ZNF578: variants seen among roughly 807,000 people sequenced by gnomAD.
The protein encoded by ZNF578 is zinc finger protein 578.
A neutral mutation model predicts 8.3 loss-of-function variants in ZNF578; 8 were observed. The observed-to-expected ratio is 0.96, with a 90% CI of 0.56 to 1.74. The LOEUF is 1.74. ZNF578 is among the 40% of genes most tolerant of loss of function. The pLI is 0.00. For synonymous variants in ZNF578, 206 were observed against 232.2 expected, an observed-to-expected ratio of 0.89 and a Z score of 1.03; for missense variants, 726 against 707.5, an observed-to-expected ratio of 1.03 and a Z score of -0.30.
At chr19:52,502,604 G>A (rs1476437012) in intron 4 of ZNF578, among the ~76,000 whole-genome samples, 1 of 152,136 alleles carries the variant, frequency 6.6e-6, no homozygotes, top group East Asian at 1.9e-4. Context: ...GTGTGTGGCG[G>A]TGCATGCCTG....
intron 2 of ZNF578, among the ~76,000 whole-genome samples, chr19:52,464,227 A>G (rs913435787): frequency 7.2e-5 from 11 of 152,312 alleles, no homozygotes; most frequent in African/African-American, 1.9e-4. Flanking sequence ...AGGGAAGACA[A>G]TGAATTGTAG....
At chr19:52,466,271 T>TA (rs1376718683) in intron 2 of ZNF578, among the ~76,000 whole-genome samples, 1 of 152,226 alleles carries the variant, frequency 6.6e-6, no homozygotes, top group African/African-American at 2.4e-5. Flanking sequence ...GGAGTGGGCT[T>TA]AACTAGGAGC....
chr19:52,468,080 A>G (rs937210493), intron 2 of ZNF578, among the ~76,000 whole-genome samples: 1 of 152,200 alleles, frequency 6.6e-6, no homozygotes, highest in Non-Finnish European at 1.5e-5. Flanking sequence ...GAAGAAATGC[A>G]TGAAACATAG....
intron 3 of ZNF578, among the ~76,000 whole-genome samples, chr19:52,496,620 C>T (rs558774463): frequency 1.3e-5 from 2 of 150,574 alleles, no homozygotes; most frequent in South Asian, 2.1e-4. Flanking sequence ...TGAGCCACCG[C>T]GCTCAGCCTC....
chr19:52,516,662 A>G lies in ZNF578; in HGVS notation c.*4508A>G, dbSNP rs890729256. Among the ~76,000 whole-genome samples the G allele has an allele frequency of 1.3e-5, 2 of 152,216 alleles. No homozygotes were observed. The highest frequency in any genetic ancestry group is 4.8e-5 in the African/African-American group (2 of 41,502). ...ATCTTGACTGATCAATGTGCTTTGT[A>G]ATCTCCCCCACCCTTCAGAAGGCTC... On this transcript the variant is annotated 3_prime_UTR_variant, in exon 6 of 6. Coordinates refer to ENST00000421239, the MANE Select transcript of ZNF578 (RefSeq NM_001099694.2).
intron 2 of ZNF578, among the ~76,000 whole-genome samples, chr19:52,460,995 C>T (rs1599880765): frequency 6.6e-6 from 1 of 152,124 alleles, no homozygotes; most frequent in South Asian, 2.1e-4. Context: ...AAGCAAACAG[C>T]ATAAACCGAT....
At chr19:52,460,364 C>T (rs917077254) in intron 2 of ZNF578, among the ~76,000 whole-genome samples, 2 of 151,672 alleles carry the variant, frequency 1.3e-5, no homozygotes, top group African/African-American at 4.9e-5. Flanking sequence ...TGAGGTGATA[C>T]CTCATTGTAA....
chr19:52,482,928 G>A (rs1320760323), intron 2 of ZNF578, among the ~76,000 whole-genome samples: 1 of 142,954 alleles, frequency 7.0e-6, no homozygotes, highest in African/African-American at 2.7e-5. Flanking sequence ...GTGACAGAGT[G>A]AGACTCTGTC....
At chr19:52,481,853 C>T (rs1042267048) in intron 2 of ZNF578, among the ~76,000 whole-genome samples, 2 of 152,076 alleles carry the variant, frequency 1.3e-5, no homozygotes, top group African/African-American at 4.8e-5. Context: ...ACTTCAGCCT[C>T]CCGAGTAGCT....
chr19:52,468,131 T>C (rs2059281127), intron 2 of ZNF578, among the ~76,000 whole-genome samples: 2 of 152,108 alleles, frequency 1.3e-5, no homozygotes, highest in Non-Finnish European at 2.9e-5. Context: ...CTTTTTAAAA[T>C]TGTGTACAAA....
Position 52,484,317 on chromosome 19 carries a change from G to A in ZNF578, c.-121-7007G>A, listed in dbSNP as rs2059337273. Among the ~76,000 whole-genome samples, 4 of 152,282 alleles carry A rather than the reference G, an allele frequency of 2.6e-5. No individual in the cohort carries two copies. In the South Asian group the frequency reaches 8.3e-4, roughly 32 times the overall value. On this transcript the variant is annotated intron_variant, in intron 2 of 5. Transcript: ENST00000421239. ...GACATTCCTTTGCCAGGGACGAGTG[G>A]GAGACAGATGCCTTCCTCTTATCTC...
chr19:52,506,316 A>G (rs1311510524), intron 5 of ZNF578, among the ~76,000 whole-genome samples: 3 of 152,102 alleles, frequency 2.0e-5, no homozygotes, highest in Non-Finnish European at 4.4e-5. Flanking sequence ...TACTATTATG[A>G]ACAATACTAC....
intron 2 of ZNF578, among the ~76,000 whole-genome samples, chr19:52,484,419 T>C (rs2059337759): frequency 6.6e-6 from 1 of 152,150 alleles, no homozygotes. Context: ...GGCTAGGGGA[T>C]GGTCAGGTCT....
chr19:52,479,412 G>A (rs1162520393), intron 2 of ZNF578, among the ~76,000 whole-genome samples: 2 of 151,808 alleles, frequency 1.3e-5, no homozygotes, highest in Non-Finnish European at 2.9e-5. Context: ...GCGGGCGCCC[G>A]AAGTCCCACC....
chr19:52,485,027 C>T (rs567374890), intron 2 of ZNF578, among the ~76,000 whole-genome samples: 162 of 150,656 alleles, frequency 1.1e-3, no homozygotes, highest in Non-Finnish European at 2.0e-3. Flanking sequence ...TGGGTGCAGG[C>T]GGGCTGAGTC....
At chr19:52,472,195 A>T (rs1427099934) in intron 2 of ZNF578, among the ~76,000 whole-genome samples, 2 of 152,224 alleles carry the variant, frequency 1.3e-5, no homozygotes, top group Non-Finnish European at 2.9e-5. Context: ...GTTCGAGACC[A>T]GCCTGCCCAA....
chr19:52,475,679 C>T (rs1019426871), intron 2 of ZNF578, among the ~76,000 whole-genome samples: 3 of 152,154 alleles, frequency 2.0e-5, no homozygotes, highest in African/African-American at 7.2e-5. Flanking sequence ...TTAATATCCC[C>T]TAATAGCTGT....
chr19:52,501,718 TG>T (rs113582885), intron 3 of ZNF578, 108 bp from the exon 4 acceptor site: 125 of 1,010,376 alleles, frequency 1.2e-4, no homozygotes, highest in African/African-American at 1.1e-3. Context: ...CAGTGGGCAG[TG>T]GGGGGGGCTT....
At chr19:52,467,520 G>A (rs978089036) in intron 2 of ZNF578, among the ~76,000 whole-genome samples, 5 of 152,122 alleles carry the variant, frequency 3.3e-5, no homozygotes, top group African/African-American at 1.2e-4. Context: ...GGAGGCGGAG[G>A]TGGGAAGATC....
Sources: allele counts gnomAD v4.1 joint callset (sites outside exome capture counted in the v4.1 genomes callset), GRCh38; gene constraint gnomAD v4.1.1; transcripts MANE v1.5; gene names NCBI Gene and HGNC (gene_info 2026-07-23, HGNC 2026-07-21).